The following USP31 variants were observed in gnomAD, a reference collection of about 807,000 sequenced individuals.
USP31 encodes the protein ubiquitin specific peptidase 31.
USP31 carries 44 observed loss-of-function variants against 119.4 expected under a neutral mutation model. The observed-to-expected ratio is 0.37, with a 90% confidence interval of 0.29 to 0.47. USP31 has a LOEUF of 0.47. USP31 is among the 20% of genes least tolerant of loss of function. The pLI, the probability that USP31 is intolerant of heterozygous loss-of-function variation, is 0.99. For missense variants in USP31, 1,643 were observed against 1,730.2 expected (o/e 0.95, Z 0.89); for synonymous variants, 749 against 705.6 (o/e 1.06, Z -0.97).
chr16:23,073,639 G>A (rs1900434878), intron 14 of USP31, 83 bp downstream of exon 14: 2 of 1,482,214 alleles, frequency 1.3e-6, no homozygotes, highest in Admixed American at 3.9e-5. Context: ...AGAGTCATGA[G>A]AGCCTCCAGA....
intron 14 of USP31, 144 bp from the exon 15 acceptor site, chr16:23,072,341 T>C (rs1254254547): frequency 8.8e-7 from 1 of 1,137,898 alleles, no homozygotes; most frequent in East Asian, 2.6e-5. Context: ...TCCCAGACCC[T>C]GTGTCATGTC....
chr16:23,068,270 C>G lies in USP31; in HGVS notation c.3835G>C (p.Ala1279Pro), dbSNP rs572860112. 7.4e-6 allele frequency: 12 copies of G among 1,614,098 alleles called. No individual in the cohort carries two copies. The South Asian group carries it at 1.2e-4, about 16-fold the overall frequency. Reference protein sequence around the residue: ...DEAERGHQPPASQQPNANTTG... With the variant: ...DEAERGHQPPPSQQPNANTTG... ...GTATTTGCATTTGGCTGCTGGGAAG[C>G]TGGAGGCTGGTGGCCTCTCTCTGCC... The change falls in exon 16 of 16, where the codon GCT (alanine) becomes CCT (proline). Residue 1279 changes from alanine to proline, a missense_variant. By Grantham distance (27) the Ala-to-Pro change is conservative. This residue lies in a region of USP31 where 699 missense variants were observed against 650.9 expected (regional missense o/e 1.07). Transcript: ENST00000219689.
intron 1 of USP31, among the ~76,000 whole-genome samples, chr16:23,138,395 A>G (rs867010649): frequency 9.8e-5 from 15 of 152,308 alleles, no homozygotes; most frequent in African/African-American, 3.6e-4. Context: ...TAAGATACAT[A>G]CTGTTTGTCC....
rs778133678 is a variant in USP31 at position 23,106,482 on chromosome 16, T to C, written c.777A>G (p.Pro259=). 5.6e-6 allele frequency: 9 copies of C among 1,605,704 alleles called. No individual in the cohort carries two copies. Among genetic ancestry groups the C allele is most frequent in the South Asian group, 2.3e-5 (2 of 88,650 alleles). ...CCTCAGGCATCATATCAGTCTCTGA[T>C]GGTGGCTAAAAAAAAAAGAAAGTAC... ...KQSGQPPLKP[P]SETDMMPEGP... is the part of the protein sequence containing the mutation. Residue 259 remains proline (P), a synonymous_variant, in exon 3 of 16, where the codon CCA becomes CCG. Coordinates refer to ENST00000219689, the MANE Select transcript of USP31 (RefSeq NM_020718.4).
chr16:23,097,557 T>C (rs1901666774), intron 6 of USP31, among the ~76,000 whole-genome samples: 2 of 152,176 alleles, frequency 1.3e-5, no homozygotes, highest in Non-Finnish European at 2.9e-5. Flanking sequence ...CTGATGAACA[T>C]CGATGCAAAA....
intron 6 of USP31, 151 bp downstream of exon 6, chr16:23,102,168 T>C: frequency 1.1e-6 from 1 of 877,890 alleles, no homozygotes; most frequent in Non-Finnish European, 1.6e-6. Flanking sequence ...TACTATAAGA[T>C]TTTTACCATT....
intron 1 of USP31, among the ~76,000 whole-genome samples, chr16:23,142,658 G>C (rs1268933927): frequency 6.6e-6 from 1 of 152,004 alleles, no homozygotes; most frequent in East Asian, 1.9e-4. Context: ...GAAAGGCTAG[G>C]AACTACTCAC....
At chr16:23,137,588 A>G (rs943780797) in intron 1 of USP31, among the ~76,000 whole-genome samples, 1 of 151,362 alleles carries the variant, frequency 6.6e-6, no homozygotes, top group East Asian at 2.0e-4. Flanking sequence ...CCTACATAAT[A>G]TAACACATGA....
chr16:23,090,925 G>T, intron 6 of USP31, 121 bp from the exon 7 acceptor site: 4 of 903,470 alleles, frequency 4.4e-6, no homozygotes, highest in Non-Finnish European at 6.2e-6. Context: ...AAATTAAACT[G>T]CAATCAAAAA....
intron 1 of USP31, among the ~76,000 whole-genome samples, chr16:23,110,046 C>A (rs1315731739): frequency 6.6e-6 from 1 of 152,096 alleles, no homozygotes; most frequent in African/African-American, 2.4e-5. Flanking sequence ...CAAATTTAAT[C>A]AATAGTAATG....
At chr16:23,086,118 AC>A (rs767696314) in intron 9 of USP31, among the ~76,000 whole-genome samples, 51 of 151,676 alleles carry the variant, frequency 3.4e-4, no homozygotes, top group Admixed American at 7.2e-4. Flanking sequence ...CTCCAAAGCT[AC>A]CCCCGTCCCA....
Position 23,062,590 on chromosome 16 carries a change from T to C in USP31, c.*5456A>G, listed in dbSNP as rs1433584231. Reference sequence around the variant, plus strand: ...AGGCTTTCCAAGGCTAGGAAGGTTGTTTCTTTTCTTCTTCGACAATTTCTA... The same window carrying C: ...AGGCTTTCCAAGGCTAGGAAGGTTGCTTCTTTTCTTCTTCGACAATTTCTA... On this transcript the variant is annotated 3_prime_UTR_variant, in exon 16 of 16. Coordinates refer to ENST00000219689, the MANE Select transcript of USP31 (RefSeq NM_020718.4). The C allele has an allele frequency of 1.3e-5, 2 of 152,610 alleles. No individual in the cohort carries two copies. Among genetic ancestry groups the C allele is most frequent in the Non-Finnish European group, 2.9e-5 (2 of 68,044 alleles). The allele number at this position is 152,610 out of a possible 1,614,324, so 9.5% of individuals were successfully genotyped here.
At chr16:23,083,016 A>T (rs542680807) in intron 11 of USP31, among the ~76,000 whole-genome samples, 1 of 151,948 alleles carries the variant, frequency 6.6e-6, no homozygotes, top group African/African-American at 2.4e-5. Flanking sequence ...TTTTTGGTAG[A>T]GACGGGGTTT....
In USP31 at chr16:23,065,342, AAAG is replaced by A. The variant is rs1900023404; in HGVS notation, c.*2701_*2703del. 1 of 151,578 alleles carries A rather than the reference AAAG, an allele frequency of 6.6e-6. No homozygotes were observed. Among genetic ancestry groups the A allele is most frequent in the Non-Finnish European group, 1.5e-5 (1 of 67,848 alleles). 9.4% of individuals were successfully genotyped at this position (151,578 alleles called of 1,614,324 possible). Reference sequence around the variant, plus strand: ...AAAATTAAAAAAAAAAAAAAAAAGAAAAGAAAGAAAGAAACCAACACCAAGTCC... The same window carrying A: ...AAAATTAAAAAAAAAAAAAAAAAGAAAAAGAAAGAAACCAACACCAAGTCC... On this transcript the variant is annotated 3_prime_UTR_variant, in exon 16 of 16. Coordinates refer to ENST00000219689, the MANE Select transcript of USP31 (RefSeq NM_020718.4).
chr16:23,137,720 A>T (rs1477556693), intron 1 of USP31, among the ~76,000 whole-genome samples: 1 of 152,108 alleles, frequency 6.6e-6, no homozygotes, highest in African/African-American at 2.4e-5. Flanking sequence ...ATATGTCTGG[A>T]AATGTATCCT....
intron 12 of USP31, among the ~76,000 whole-genome samples, chr16:23,081,402 C>T (rs1291798047): frequency 1.3e-5 from 2 of 152,142 alleles, no homozygotes; most frequent in East Asian, 3.9e-4. Context: ...TGTGTGAAAG[C>T]CCCAGACCTG....
Position 23,069,430 on chromosome 16 carries a change from G to C in USP31, c.2675C>G (p.Ser892Cys), listed in dbSNP as rs1265577579. The change falls in exon 16 of 16, where the codon TCT (serine) becomes TGT (cysteine). Residue 892 changes from serine to cysteine, a missense_variant. This residue lies in a region of USP31 where 699 missense variants were observed against 650.9 expected (regional missense o/e 1.07). Coordinates refer to ENST00000219689, the MANE Select transcript of USP31 (RefSeq NM_020718.4). ...CCCAATCTTCTCCAAGGTGGAAGCA[G>C]AGCTGTGAATTGGCGAATCCCCTGA... ...RFSGDSPIHS[S>C]ASTLEKIGEA... 6.2e-7 allele frequency: 1 copy of C among 1,614,200 alleles called. No homozygotes were observed. Among genetic ancestry groups the C allele is most frequent in the Non-Finnish European group, 8.5e-7 (1 of 1,180,022 alleles).
At position 23,068,938 on chromosome 16, in the gene USP31, G is replaced by A. The variant is rs1442168438; in HGVS notation, c.3167C>T (p.Thr1056Ile). 1 of 1,614,080 alleles carries A rather than the reference G, an allele frequency of 6.2e-7. No homozygotes were observed. Among genetic ancestry groups the A allele is most frequent in the South Asian group, 1.1e-5 (1 of 91,056 alleles). ...TACAGGAAGAGGAGAAGAAGGGGAT[G>A]TACTTGAAAGGGATGACTCCTGGCT... ...LASQESSLSS[T>I]SPSSPLPVKV... Residue 1056 changes from threonine (T) to isoleucine (I), a missense_variant, in exon 16 of 16, where the codon ACA becomes ATA. Thr to Ile is a moderately conservative substitution (Grantham distance 89). Coordinates refer to ENST00000219689, the MANE Select transcript of USP31 (RefSeq NM_020718.4).
At chr16:23,119,040 T>C (rs532644651) in intron 1 of USP31, among the ~76,000 whole-genome samples, 57 of 151,910 alleles carry the variant, frequency 3.8e-4, no homozygotes, top group Non-Finnish European at 7.4e-4. Flanking sequence ...TTCTTATTTA[T>C]AGATGAAAAA....
Sources: gnomAD v4.1 joint callset for allele counts (sites outside exome capture counted in the v4.1 genomes callset) on GRCh38, gnomAD v4.1.1 for gene constraint, gnomAD v4.1.1 regional missense constraint, MANE v1.5 for transcripts, NCBI Gene and HGNC (gene_info 2026-07-23, HGNC 2026-07-21) for gene names.